Variants in TMED3 observed in about 807,000 individuals in gnomAD.
TMED3 encodes the protein transmembrane p24 trafficking protein 3.
In TMED3, 9 loss-of-function variants were observed where a neutral mutation model predicts 15.0. The observed-to-expected ratio is 0.60, with a 90% CI of 0.36 to 1.04. The LOEUF is 1.04. TMED3 is among the 50% of genes least tolerant of loss of function. The pLI is 0.01. For missense variants in TMED3, 267 were observed against 278.9 expected (o/e 0.96, Z 0.30); for synonymous variants, 117 against 121.4 (o/e 0.96, Z 0.24).
At chr15:79,358,273 C>T (rs931981821) in intron 2 of TMED3, among the ~76,000 whole-genome samples, 1 of 152,230 alleles carries the variant, frequency 6.6e-6, no homozygotes. Flanking sequence ...AAGCAGACAG[C>T]TGCAAGGTCA....
At chr15:79,356,119 A>G (rs1391263025) in intron 2 of TMED3, among the ~76,000 whole-genome samples, 1 of 152,206 alleles carries the variant, frequency 6.6e-6, no homozygotes, top group Non-Finnish European at 1.5e-5. Flanking sequence ...GTGGCAAAGT[A>G]CATGGAAGAG....
At chr15:79,406,279 A>G (rs1020890072) in intron 2 of TMED3, among the ~76,000 whole-genome samples, 3 of 152,214 alleles carry the variant, frequency 2.0e-5, no homozygotes, top group African/African-American at 2.4e-5. Flanking sequence ...TTGTGCTTTA[A>G]TAGCCCTTTC....
chr15:79,372,149 C>G (rs1893350577), intron 2 of TMED3, among the ~76,000 whole-genome samples: 1 of 152,116 alleles, frequency 6.6e-6, no homozygotes. Context: ...ACTTATAATT[C>G]TGCAGTGGCA....
downstream of TMED3, among the ~76,000 whole-genome samples, chr15:79,323,664 T>C (rs1175536942): frequency 6.6e-6 from 1 of 152,182 alleles, no homozygotes; most frequent in Non-Finnish European, 1.5e-5. Flanking sequence ...ACCACCAGCC[T>C]GAATGTAATG....
At chr15:79,380,123 G>A (rs1450266978) in intron 2 of TMED3, among the ~76,000 whole-genome samples, 1 of 151,960 alleles carries the variant, frequency 6.6e-6, no homozygotes, top group African/African-American at 2.4e-5. Context: ...ATTGAGGGAG[G>A]GGCCGGATCA....
At chr15:79,407,762 T>C (rs188752688) in intron 2 of TMED3, among the ~76,000 whole-genome samples, 1 of 152,332 alleles carries the variant, frequency 6.6e-6, no homozygotes, top group Admixed American at 6.5e-5. Flanking sequence ...CTAAAACATT[T>C]TTTACCTGAC....
chr15:79,398,014 G>A (rs781212931), intron 2 of TMED3, among the ~76,000 whole-genome samples: 4 of 152,062 alleles, frequency 2.6e-5, no homozygotes, highest in African/African-American at 4.8e-5. Flanking sequence ...CATAGTTTAC[G>A]TTAGAGTTCA....
intron 2 of TMED3, among the ~76,000 whole-genome samples, chr15:79,330,908 A>G (rs1206067196): frequency 6.6e-6 from 1 of 152,250 alleles, no homozygotes; most frequent in Non-Finnish European, 1.5e-5. Flanking sequence ...GTACATTCTC[A>G]CATTGATACA....
chr15:79,353,093 A>G (rs1448582182), intron 2 of TMED3, among the ~76,000 whole-genome samples: 1 of 103,538 alleles, frequency 9.7e-6, no homozygotes. Context: ...TAAAATATAA[A>G]TGTATATAAA....
In TMED3 at chr15:79,385,338, C is replaced by T. The variant is rs551463384; in HGVS notation, c.418-26062C>T. Among the ~76,000 whole-genome samples the T allele has an allele frequency of 6.6e-5, 10 of 152,166 alleles. No homozygotes were observed. The South Asian group carries it at 1.4e-3, about 22-fold the overall frequency. On this transcript the variant is annotated intron_variant, in intron 2 of 2. Transcript: ENST00000424155. ...CCGCACCTACCCCTAGGAAGGGGGG[C>T]AGAATCCAGGGAGCTGATTCTGTGG...
At chr15:79,378,690 A>G (rs1893469382) in intron 2 of TMED3, among the ~76,000 whole-genome samples, 2 of 152,370 alleles carry the variant, frequency 1.3e-5, no homozygotes, top group South Asian at 2.1e-4. Flanking sequence ...GCAGCCAACT[A>G]CAACATAAAA....
intron 2 of TMED3, among the ~76,000 whole-genome samples, chr15:79,408,933 T>C (rs921457287): frequency 1.3e-5 from 2 of 152,242 alleles, no homozygotes; most frequent in African/African-American, 4.8e-5. Flanking sequence ...TCTCTGTAAT[T>C]ACATTGTCCT....
At chr15:79,370,895 A>T (rs1893326116) in intron 2 of TMED3, among the ~76,000 whole-genome samples, 1 of 152,172 alleles carries the variant, frequency 6.6e-6, no homozygotes, top group Admixed American at 6.5e-5. Context: ...TTTGTGGTTG[A>T]CTTTCATTGC....
chr15:79,361,475 G>A (rs1038063574), intron 2 of TMED3, among the ~76,000 whole-genome samples: 1 of 152,112 alleles, frequency 6.6e-6, no homozygotes, highest in African/African-American at 2.4e-5. Flanking sequence ...AAAACCGAAC[G>A]TCATATGTTC....
At chr15:79,411,748 G>A in exon 3 of TMED3, 1 of 460,704 alleles carries the variant, frequency 2.2e-6, no homozygotes, top group African/African-American at 1.9e-5. Context: ...AGGGAGAGTT[G>A]CTTGGAGAAG....
chr15:79,390,942 T>A (rs1640017721), intron 2 of TMED3, among the ~76,000 whole-genome samples: 1 of 152,128 alleles, frequency 6.6e-6, no homozygotes. Context: ...CCCATTTCAT[T>A]TATTATTGAG....
exon 3 of TMED3, chr15:79,413,130 A>G (rs1340406260): frequency 6.6e-6 from 1 of 152,254 alleles, no homozygotes; most frequent in Admixed American, 6.5e-5. Context: ...AAAGACCCAG[A>G]GCAAGAACTC....
intron 2 of TMED3, among the ~76,000 whole-genome samples, chr15:79,407,813 A>G (rs1222554750): frequency 6.6e-6 from 1 of 152,174 alleles, no homozygotes; most frequent in Non-Finnish European, 1.5e-5. Context: ...TTTGCCCGAG[A>G]GCCAATGGGT....
chr15:79,332,871 T>C lies in TMED3; in HGVS notation c.417+18866T>C, dbSNP rs117591562. On this transcript the variant is annotated intron_variant, in intron 2 of 2. Transcript: ENST00000424155. The stretch of plus-strand genomic sequence containing the variant: ...GGAGTCTAGCAATTTAACTTCGTCA[T>C]TTCCAAACTTTCAGGCTCACCTCCT... Among the ~76,000 whole-genome samples, 854 of 152,328 alleles carry C rather than the reference T, an allele frequency of 5.6e-3. 7 individuals carry two copies. The highest frequency in any genetic ancestry group is 0.015 in the South Asian group (72 of 4,830).
Sources: gnomAD v4.1 joint callset for allele counts (sites outside exome capture counted in the v4.1 genomes callset) on GRCh38, gnomAD v4.1.1 for gene constraint, MANE v1.5 for transcripts, NCBI Gene and HGNC (gene_info 2026-07-23, HGNC 2026-07-21) for gene names.